PIP5K1B: variants seen among roughly 807,000 people sequenced by gnomAD.
The protein encoded by PIP5K1B is phosphatidylinositol 4-phosphate 5-kinase type-1 beta.
In PIP5K1B, 42 loss-of-function variants were observed where a neutral mutation model predicts 67.0. The observed-to-expected ratio is 0.63, with a 90% CI of 0.49 to 0.81. The LOEUF (loss-of-function observed/expected upper bound fraction) is 0.81, where lower values mean the gene tolerates loss of function less well. Among genes scored for constraint, PIP5K1B ranks in the 30% least tolerant of loss-of-function variants. The probability of loss-of-function intolerance (pLI) is 0.00; values close to 1 mark genes in which losing one functional copy is unlikely to be tolerated. For missense variants in PIP5K1B, 459 were observed against 646.3 expected (o/e 0.71, Z 3.14); for synonymous variants, 214 against 231.4 (o/e 0.92, Z 0.68).
At chr9:68,777,039 T>A (rs1008564155) in intron 2 of PIP5K1B, among the ~76,000 whole-genome samples, 1 of 152,178 alleles carries the variant, frequency 6.6e-6, no homozygotes, top group African/African-American at 2.4e-5. Flanking sequence ...TTAGGTCACA[T>A]AATGGGTAGT....
intron 8 of PIP5K1B, among the ~76,000 whole-genome samples, chr9:68,906,849 G>T (rs753649276): frequency 3.3e-5 from 5 of 152,122 alleles, no homozygotes; most frequent in Non-Finnish European, 1.5e-5. Context: ...AAATGATGAC[G>T]GGAGTTCTTT....
At chr9:68,819,536 G>T (rs989997946) in intron 3 of PIP5K1B, among the ~76,000 whole-genome samples, 2 of 152,162 alleles carry the variant, frequency 1.3e-5, no homozygotes, top group African/African-American at 2.4e-5. Flanking sequence ...GCGTCCCAAA[G>T]TGCTGTGATT....
chr9:68,916,532 A>C (rs1323601176), intron 8 of PIP5K1B, among the ~76,000 whole-genome samples: 2 of 152,202 alleles, frequency 1.3e-5, no homozygotes, highest in Non-Finnish European at 2.9e-5. Flanking sequence ...TGTTGAGATT[A>C]TATTTTTAAA....
intron 14 of PIP5K1B, among the ~76,000 whole-genome samples, chr9:68,944,491 A>G (rs907247873): frequency 6.6e-6 from 1 of 152,218 alleles, no homozygotes; most frequent in Non-Finnish European, 1.5e-5. Context: ...ATGTCTTACC[A>G]GTGTCACCAC....
Position 68,940,741 on chromosome 9 carries a change from T to C in PIP5K1B, c.1453T>C (p.Tyr485His), listed in dbSNP as rs1369048831. Residue 485 changes from tyrosine to histidine, a missense_variant, in exon 14 of 16, where the codon TAC becomes CAC. Physicochemically the swap from Tyr to His is moderately conservative, Grantham distance 83. Transcript: ENST00000265382. ...LATTISSSSLYVNEHYPHDRP... is the reference protein window; with the variant it reads ...LATTISSSSLHVNEHYPHDRP... ...AACCACAATTTCATCTTCTTCCTTA[T>C]ACGTCAATGAGCACTATCCACACGA... 1.2e-6 allele frequency: 2 copies of C among 1,613,892 alleles called. No individual in the cohort carries two copies. The highest frequency in any genetic ancestry group is 2.7e-5 in the African/African-American group (2 of 74,906).
At chr9:68,996,291 G>T (rs868518555) in intron 15 of PIP5K1B, among the ~76,000 whole-genome samples, 1 of 152,136 alleles carries the variant, frequency 6.6e-6, no homozygotes, top group African/African-American at 2.4e-5. Context: ...GCAGCTAATT[G>T]TTCCATCATC....
intron 5 of PIP5K1B, among the ~76,000 whole-genome samples, chr9:68,867,162 A>G (rs561432089): frequency 5.7e-4 from 86 of 151,532 alleles, no homozygotes; most frequent in Non-Finnish European, 9.3e-4. Flanking sequence ...AAAAATGGCA[A>G]TACAATATTT....
chr9:68,757,662 A>G (rs1829994394), intron 2 of PIP5K1B, among the ~76,000 whole-genome samples: 1 of 152,150 alleles, frequency 6.6e-6, no homozygotes, highest in Non-Finnish European at 1.5e-5. Flanking sequence ...AGTGGCTGAA[A>G]TATGTGATTT....
chr9:68,768,071 G>T (rs1035246323), intron 2 of PIP5K1B, among the ~76,000 whole-genome samples: 1 of 152,086 alleles, frequency 6.6e-6, no homozygotes, highest in African/African-American at 2.4e-5. Context: ...AACTGTACAC[G>T]GAAAGTACCA....
chr9:68,885,271 G>A (rs929550472), intron 6 of PIP5K1B, among the ~76,000 whole-genome samples: 1 of 152,202 alleles, frequency 6.6e-6, no homozygotes, highest in African/African-American at 2.4e-5. Context: ...ACTCATTGAA[G>A]TAGAGGAGAA....
intron 14 of PIP5K1B, chr9:68,966,836 G>A (rs1051661851): frequency 6.6e-6 from 1 of 152,218 alleles, no homozygotes; most frequent in East Asian, 1.9e-4. Flanking sequence ...TAATGTAAAT[G>A]TTGGGGGATT....
chr9:68,968,879 C>G (rs1829186455), intron 14 of PIP5K1B, among the ~76,000 whole-genome samples: 1 of 152,102 alleles, frequency 6.6e-6, no homozygotes, highest in Admixed American at 6.6e-5. Context: ...CTGGATTTCA[C>G]TCTGCCTGTC....
intron 1 of PIP5K1B, among the ~76,000 whole-genome samples, chr9:68,719,427 C>T (rs72716093): frequency 0.011 from 1,612 of 152,246 alleles, 17 homozygotes; most frequent in Non-Finnish European, 0.017. Flanking sequence ...AGTTCAATAT[C>T]CACAATAAAA....
intron 4 of PIP5K1B, among the ~76,000 whole-genome samples, chr9:68,836,814 C>T (rs1286884296): frequency 1.3e-5 from 2 of 152,190 alleles, no homozygotes; most frequent in Non-Finnish European, 2.9e-5. Context: ...GTGGCCATGC[C>T]GAGCAGATGC....
chr9:68,983,319 C>T (rs906005191), intron 14 of PIP5K1B, among the ~76,000 whole-genome samples: 11 of 152,040 alleles, frequency 7.2e-5, no homozygotes, highest in Non-Finnish European at 2.9e-5. Context: ...CTGTCCCCAC[C>T]CAGGGACACT....
At chr9:68,987,641 G>A (rs931211722) in intron 14 of PIP5K1B, among the ~76,000 whole-genome samples, 2 of 152,168 alleles carry the variant, frequency 1.3e-5, no homozygotes, top group Non-Finnish European at 2.9e-5. Flanking sequence ...TCACACTGCT[G>A]ATAAAGACAT....
At chr9:68,946,217 C>T (rs1414047514) in intron 14 of PIP5K1B, among the ~76,000 whole-genome samples, 1 of 152,088 alleles carries the variant, frequency 6.6e-6, no homozygotes, top group Non-Finnish European at 1.5e-5. Flanking sequence ...GATTCCATTC[C>T]CCTAACCCTA....
At chr9:68,711,193 C>T (rs751136280) in intron 1 of PIP5K1B, among the ~76,000 whole-genome samples, 3 of 152,190 alleles carry the variant, frequency 2.0e-5, no homozygotes, top group Non-Finnish European at 4.4e-5. Flanking sequence ...TTCCTTGCTT[C>T]GTAGACAGAC....
At chr9:68,946,937 A>G (rs1388252400) in intron 14 of PIP5K1B, among the ~76,000 whole-genome samples, 1 of 152,238 alleles carries the variant, frequency 6.6e-6, no homozygotes, top group African/African-American at 2.4e-5. Context: ...GAGTTGTTAT[A>G]AAGATTAAAT....
Sources: gnomAD v4.1 joint callset for allele counts (sites outside exome capture counted in the v4.1 genomes callset) on GRCh38, gnomAD v4.1.1 for gene constraint, MANE v1.5 for transcripts, NCBI Gene and HGNC (gene_info 2026-07-23, HGNC 2026-07-21) for gene names.